Variants in FDFT1 observed in about 807,000 individuals in gnomAD.
FDFT1 encodes the protein squalene synthase.
A neutral mutation model predicts 46.8 loss-of-function variants in FDFT1; 68 were observed. The ratio of observed to expected loss-of-function variants is 1.45; its 90% CI spans 1.19 to 1.78. FDFT1 has a LOEUF of 1.78. FDFT1 is among the 40% of genes most tolerant of loss of function. FDFT1 has a pLI of 0.00. For missense variants in FDFT1, 928 were observed against 524.4 expected, an observed-to-expected ratio of 1.77 and a Z score of -7.52; for synonymous variants, 351 against 185.1, an observed-to-expected ratio of 1.90 and a Z score of -7.28.
At chr8:11,820,541 G>C in intron 3 of FDFT1, among the ~76,000 whole-genome samples, 1 of 152,312 alleles carries the variant, frequency 6.6e-6, no homozygotes, top group South Asian at 2.1e-4. Flanking sequence ...TTTACACTGT[G>C]AGCATAGAAG....
chr8:11,829,924 T>G (rs543533863), intron 5 of FDFT1, among the ~76,000 whole-genome samples: 1 of 152,146 alleles, frequency 6.6e-6, no homozygotes, highest in African/African-American at 2.4e-5. Context: ...CTTGACTCAC[T>G]GCAACCTCCG....
intron 3 of FDFT1, among the ~76,000 whole-genome samples, chr8:11,812,196 C>G (rs549519903): frequency 3.3e-5 from 5 of 152,212 alleles, no homozygotes; most frequent in South Asian, 2.1e-4. Flanking sequence ...GTTCAGCTCT[C>G]GTGGGCTCTC....
intron 3 of FDFT1, among the ~76,000 whole-genome samples, chr8:11,820,359 G>T (rs1311227991): frequency 2.6e-5 from 4 of 152,200 alleles, no homozygotes; most frequent in Non-Finnish European, 5.9e-5. Flanking sequence ...TGCCGAGCTG[G>T]GAGAACCACT....
chr8:11,826,698 C>T (rs1021235487), intron 5 of FDFT1, among the ~76,000 whole-genome samples: 4 of 152,126 alleles, frequency 2.6e-5, no homozygotes, highest in Non-Finnish European at 4.4e-5. Flanking sequence ...GCTTGTAATC[C>T]CAGCTACCTG....
At chr8:11,822,535 G>C (rs1809407048) in intron 4 of FDFT1, among the ~76,000 whole-genome samples, 1 of 152,192 alleles carries the variant, frequency 6.6e-6, no homozygotes, top group Non-Finnish European at 1.5e-5. Context: ...GGTGAAGTTA[G>C]CCGGGTACTA....
At chr8:11,802,402 C>G (rs13252798), upstream of FDFT1, 12 of 457,146 alleles carry the variant, frequency 2.6e-5, no homozygotes, top group East Asian at 4.8e-4. Context: ...CCTGCGCATC[C>G]TAAGCCCCAC....
In FDFT1 at chr8:11,802,822, C is replaced by T. The variant is rs747172216; in HGVS notation, c.-11C>T. Reference sequence around the variant, plus strand: ...GAGAGTCGCGCCCGGGAGTCCGCCGCCTGCGCCAGGATGGAGTTCGTGAAA... The same window carrying T: ...GAGAGTCGCGCCCGGGAGTCCGCCGTCTGCGCCAGGATGGAGTTCGTGAAA... On this transcript the variant is annotated 5_prime_UTR_variant, in exon 1 of 8. Coordinates refer to ENST00000220584, the MANE Select transcript of FDFT1 (RefSeq NM_004462.5). The T allele has an allele frequency of 5.6e-6, 9 of 1,603,264 alleles. No homozygotes were observed. The highest frequency in any genetic ancestry group is 1.1e-5 in the South Asian group (1 of 89,320).
At position 11,808,857 on chromosome 8, in the gene FDFT1, G is replaced by T. The variant is rs767263162; in HGVS notation, c.163G>T (p.Ala55Ser). 1.9e-6 allele frequency: 3 copies of T among 1,614,032 alleles called. No individual in the cohort carries two copies. Among genetic ancestry groups the T allele is most frequent in the Non-Finnish European group, 2.5e-6 (3 of 1,179,986 alleles). Residue 55 changes from alanine to serine, a missense_variant, in exon 2 of 8, where the codon GCA (alanine) becomes TCA (serine). By Grantham distance (99) the Ala-to-Ser change is moderately conservative. Transcript: ENST00000220584. ...KYLNQTSRSF[A>S]AVIQALDGEM... ...TCTCAATCAGACCAGTCGCAGTTTC[G>T]CAGCTGTTATCCAGGCGCTGGATGG...
chr8:11,801,835 A>G, upstream of FDFT1: 1 of 393,054 alleles, frequency 2.5e-6, no homozygotes, highest in South Asian at 1.9e-5. Context: ...TTGGGACTAC[A>G]GGCGCCCACC....
At chr8:11,811,699 C>G (rs1459732423) in intron 3 of FDFT1, among the ~76,000 whole-genome samples, 2 of 152,230 alleles carry the variant, frequency 1.3e-5, no homozygotes, top group African/African-American at 4.8e-5. Flanking sequence ...ATTCCATCCT[C>G]TTGAAAGCAC....
chr8:11,828,565 C>T (rs1286792481), intron 5 of FDFT1, among the ~76,000 whole-genome samples: 2 of 152,250 alleles, frequency 1.3e-5, no homozygotes, highest in Non-Finnish European at 2.9e-5. Context: ...ACATCAGCCA[C>T]GGGCATGTGA....
intron 1 of FDFT1, 55 bp downstream of exon 1, chr8:11,802,986 C>T (rs1806328945): frequency 5.2e-6 from 8 of 1,550,960 alleles, no homozygotes; most frequent in South Asian, 1.2e-5. Context: ...CTGGGCCGGC[C>T]TCAGGGCCTG....
chr8:11,809,026 C>T, intron 2 of FDFT1, 135 bp downstream of exon 2: 5 of 1,389,576 alleles, frequency 3.6e-6, no homozygotes, highest in Non-Finnish European at 3.9e-6. Context: ...CATAGCCCGG[C>T]CCTACGTGTT....
At chr8:11,801,688 C>A, upstream of FDFT1, 2 of 286,546 alleles carry the variant, frequency 7.0e-6, no homozygotes, top group Non-Finnish European at 1.3e-5. Context: ...GCTTAGGTAG[C>A]CAGTAGGTTT....
chr8:11,801,063 G>A (rs1193375688), upstream of FDFT1, among the ~76,000 whole-genome samples: 1 of 152,176 alleles, frequency 6.6e-6, no homozygotes, highest in Admixed American at 6.5e-5. Context: ...GTGAGAGAGG[G>A]CAAACAGGTG....
chr8:11,813,445 C>G (rs1415291128), intron 3 of FDFT1, among the ~76,000 whole-genome samples: 1 of 152,164 alleles, frequency 6.6e-6, no homozygotes, highest in African/African-American at 2.4e-5. Flanking sequence ...GGGAAATTAC[C>G]TAGTACATAA....
At chr8:11,809,287 C>A in intron 2 of FDFT1, 2 of 1,093,974 alleles carry the variant, frequency 1.8e-6, no homozygotes, top group African/African-American at 1.7e-5. Flanking sequence ...AGACCAGTTG[C>A]CTTTATGTAT....
rs555348835 is a variant in FDFT1, at chr8:11,806,593, CATTG to C, written c.100-2195_100-2192del. 2.4e-3 allele frequency among the ~76,000 whole-genome samples: 368 copies of C among 152,154 alleles called. 3 individuals are homozygous for C. The highest frequency in any genetic ancestry group is 8.4e-3 in the African/African-American group (350 of 41,508). Reference sequence around the variant, plus strand: ...TAAATCTAGGGGGACCGTGTCTTGGCATTGATTGAAACTCCTGGCTTAACATCAC... The same window carrying C: ...TAAATCTAGGGGGACCGTGTCTTGGCATTGAAACTCCTGGCTTAACATCAC... On this transcript the variant is annotated intron_variant, in intron 1 of 7. Transcript: ENST00000220584.
chr8:11,816,927 C>T (rs533415158), intron 3 of FDFT1, among the ~76,000 whole-genome samples: 10 of 152,200 alleles, frequency 6.6e-5, no homozygotes, highest in South Asian at 2.1e-4. Context: ...GGTGAGAGGA[C>T]GGCATCCTTG....
Sources: gnomAD v4.1 joint callset for allele counts (sites outside exome capture counted in the v4.1 genomes callset) on GRCh38, gnomAD v4.1.1 for gene constraint, MANE v1.5 for transcripts, NCBI Gene and HGNC (gene_info 2026-07-23, HGNC 2026-07-21) for gene names.